The following ABCA7 variants were observed in gnomAD, a reference collection of about 807,000 sequenced individuals.
ABCA7 encodes ATP binding cassette subfamily A member 7.
In ABCA7, 261 loss-of-function variants were observed where a neutral mutation model predicts 227.6. That is an observed-to-expected ratio of 1.15 (90% confidence interval 1.04 to 1.27). The LOEUF (loss-of-function observed/expected upper bound fraction) is 1.27, where lower values mean the gene tolerates loss of function less well. Among genes scored for constraint, ABCA7 ranks in the 50% most tolerant of loss-of-function variants. The pLI is 0.00. For missense variants in ABCA7, 3,331 were observed against 2,924.5 expected, an observed-to-expected ratio of 1.14 and a Z score of -3.21; for synonymous variants, 1,488 against 1,279.7, an observed-to-expected ratio of 1.16 and a Z score of -3.47.
In ABCA7 at chr19:1,063,822, C is replaced by T. The variant is rs1045331155; in HGVS notation, c.5910C>T (p.Ala1970=). ...GCTTCCTTTGGAACAGCCTTTTGGC[C>T]GTGGTGCGGGAGGGCCGTTCAGTGA... The part of the protein sequence containing the change: ...ARRFLWNSLL[A]VVREGRSVML... The change falls in exon 44 of 47, where the codon GCC becomes GCT. Residue 1970 remains alanine (A), a synonymous_variant. Coordinates refer to ENST00000263094, the MANE Select transcript of ABCA7 (RefSeq NM_019112.4). 3 of 1,544,240 alleles carry T rather than the reference C, an allele frequency of 1.9e-6. No homozygotes were observed. The highest frequency in any genetic ancestry group is 1.7e-6 in the Non-Finnish European group (2 of 1,145,182).
At position 1,058,860 on chromosome 19, in the gene ABCA7, G is replaced by T; in HGVS notation, c.5320G>T (p.Glu1774Ter). ...TCTGCCACTCCTGGGAGAGGAGGAC[G>T]AGGATGTAGCCCGTGAACGGGAGCG... The part of the protein sequence containing the change: ...RSLPLLGEED[E>*]DVARERERVV... Residue 1774 changes from glutamate to a stop codon, truncating the protein, a stop_gained, in exon 39 of 47, where the codon GAG becomes TAG. Coordinates refer to ENST00000263094, the MANE Select transcript of ABCA7 (RefSeq NM_019112.4). LOFTEE classifies it high-confidence loss of function. 6.3e-7 allele frequency: 1 copy of T among 1,577,908 alleles called. No homozygotes were observed. Among genetic ancestry groups the T allele is most frequent in the Non-Finnish European group, 8.6e-7 (1 of 1,158,842 alleles).
rs1229081176 is a variant in ABCA7, at chr19:1,047,044, C to T, written c.1845+20C>T. On this transcript the variant is annotated intron_variant, in intron 14 of 46. Coordinates refer to ENST00000263094, the MANE Select transcript of ABCA7 (RefSeq NM_019112.4). ...CTCAAGGTGGGCGCGCCTCGGCCTG[C>T]CCGGCTGCAGAATGGGTGCGCTGGA... 41 of 1,552,638 alleles carry T rather than the reference C, an allele frequency of 2.6e-5. No individual in the cohort carries two copies. The highest frequency in any genetic ancestry group is 3.4e-5 in the Non-Finnish European group (39 of 1,151,296).
Position 1,058,611 on chromosome 19 carries a change from T to G in ABCA7, c.5150-7T>G. ...ATGGACCCAGTCCCTCCTTTCTATA[T>G]CCACAGGAGACAGGCAGTTCCAGTC... On this transcript the variant is annotated splice_polypyrimidine_tract_variant and splice_region_variant and intron_variant, in intron 37 of 46. Transcript: ENST00000263094. 1 of 1,613,404 alleles carries G rather than the reference T, an allele frequency of 6.2e-7. No homozygotes were observed. The highest frequency in any genetic ancestry group is 1.1e-5 in the South Asian group (1 of 91,042).
At chr19:1,059,646 C>G (rs1420146069) in intron 40 of ABCA7, among the ~76,000 whole-genome samples, 3 of 149,162 alleles carry the variant, frequency 2.0e-5, no homozygotes, top group Non-Finnish European at 4.5e-5. Flanking sequence ...TCACTACAAG[C>G]TCCACCTCCC....
In ABCA7 at chr19:1,046,835, C is replaced by G. The variant is rs2040731411; in HGVS notation, c.1656C>G (p.Leu552=). 2.6e-6 allele frequency: 4 copies of G among 1,540,670 alleles called. No homozygotes were observed. The highest frequency in any genetic ancestry group is 3.5e-6 in the Non-Finnish European group (4 of 1,147,796). Residue 552 remains leucine (L), a synonymous_variant, in exon 14 of 47, where the codon CTC becomes CTG. Transcript: ENST00000263094. ...FLRVLSRSLP[L]FLTLAWIYSV... is the part of the protein sequence containing the mutation. ...GTGTGCTGAGCCGGTCGCTGCCGCT[C>G]TTCCTGACGCTGGCCTGGATCTACT...
chr19:1,046,444 G>A lies in ABCA7; in HGVS notation c.1622+38G>A, dbSNP rs375918035. ...ACCCCTCCCCGCTCTTCCCCGCGGC[G>A]GGAAGGTCCCGGGTGTGGGGGTGGG... On this transcript the variant is annotated intron_variant, in intron 13 of 46. Coordinates refer to ENST00000263094, the MANE Select transcript of ABCA7 (RefSeq NM_019112.4). The A allele has an allele frequency of 4.1e-5, 62 of 1,516,070 alleles. No homozygotes were observed. The African/African-American group carries it at 8.0e-4, about 20-fold the overall frequency. The allele number at this position is 1,516,070 out of a possible 1,614,324, so 93.9% of individuals were successfully genotyped here.
chr19:1,065,245 TC>T, intron 46 of ABCA7, 24 bp from the exon 47 acceptor site: 6 of 1,611,758 alleles, frequency 3.7e-6, no homozygotes, highest in Non-Finnish European at 5.1e-6. Context: ...GTCCCTCTTG[TC>T]CCCTCTGGGC....
rs2042816949 is a variant in ABCA7 at position 1,063,424 on chromosome 19, T to C, written c.5713-120T>C. On this transcript the variant is annotated intron_variant, in intron 42 of 46. Coordinates refer to ENST00000263094, the MANE Select transcript of ABCA7 (RefSeq NM_019112.4). ...CCACACTATGTCCCATTCTCACATT[T>C]GCCCTGCCCCATGCCCATTATGCCC... is the stretch of plus-strand genomic sequence containing the variant. 5 of 1,382,844 alleles carry C rather than the reference T, an allele frequency of 3.6e-6. No homozygotes were observed. The Admixed American group carries it at 1.1e-4, about 30-fold the overall frequency. 85.7% of individuals were successfully genotyped at this position (1,382,844 alleles called of 1,614,324 possible).
rs538969597 is a variant in ABCA7, at chr19:1,062,459, C to T, written c.5712+146C>T. 2.8e-5 allele frequency: 36 copies of T among 1,295,544 alleles called. No homozygotes were observed. In the African/African-American group the frequency reaches 5.2e-4, roughly 19 times the overall value. The allele number at this position is 1,295,544 out of a possible 1,614,324, so 80.3% of individuals were successfully genotyped here. ...CAGACCGTGCTTCCTTCCCCTATACCTCTGTCCCCCATCCTGGTCCAATAG... is the reference window on the plus strand; with the variant it reads ...CAGACCGTGCTTCCTTCCCCTATACTTCTGTCCCCCATCCTGGTCCAATAG... On this transcript the variant is annotated intron_variant, in intron 42 of 46. Coordinates refer to ENST00000263094, the MANE Select transcript of ABCA7 (RefSeq NM_019112.4).
chr19:1,055,881 T>C, intron 30 of ABCA7, 26 bp from the exon 31 acceptor site: 1 of 1,566,144 alleles, frequency 6.4e-7, no homozygotes, highest in Non-Finnish European at 8.7e-7. Flanking sequence ...CCTGTCTGCC[T>C]GTGTCTCTGT....
chr19:1,050,530 G>T (rs1199271181), intron 18 of ABCA7, among the ~76,000 whole-genome samples: 1 of 152,050 alleles, frequency 6.6e-6, no homozygotes, highest in Non-Finnish European at 1.5e-5. Flanking sequence ...CCAGCACTTT[G>T]GGGGGCCGAG....
At position 1,043,471 on chromosome 19, in the gene ABCA7, C is replaced by G; in HGVS notation, c.928C>G (p.Gln310Glu). The G allele has an allele frequency of 6.2e-7, 1 of 1,613,186 alleles. No homozygotes were observed. The highest frequency in any genetic ancestry group is 8.5e-7 in the Non-Finnish European group (1 of 1,180,010). ...ACCTTTTACCCGGAAGCTCATGGCC[C>G]AGGTGGGGGCAGCCTGGATGCTGGG... is the stretch of plus-strand genomic sequence containing the variant. ...DTPFTRKLMA[Q>E]VNRTFEELTL... The change falls in exon 9 of 47, where the codon CAG (glutamine) becomes GAG (glutamate). Residue 310 changes from glutamine (Q) to glutamate (E), a missense_variant and splice_region_variant. Gln to Glu is a conservative substitution (Grantham distance 29, BLOSUM62 2). Transcript: ENST00000263094.
chr19:1,051,411 G>C, intron 20 of ABCA7, 38 bp from the exon 21 acceptor site: 1 of 719,646 alleles, frequency 1.4e-6, no homozygotes, highest in South Asian at 2.0e-5. Flanking sequence ...CCCAAGGCTG[G>C]GTGTGACACA....
At position 1,054,351 on chromosome 19, in the gene ABCA7, G is replaced by T. The variant is rs770201251; in HGVS notation, c.3726+10G>T. The T allele has an allele frequency of 1.3e-6, 2 of 1,587,370 alleles. No homozygotes were observed. The highest frequency in any genetic ancestry group is 3.4e-5 in the Admixed American group (2 of 58,716). The stretch of plus-strand genomic sequence containing the variant: ...CGGCCTGTTCGCCCAGGTGAGGAGG[G>T]CTAGCACCAGGGAGTCGCATGGGAG... On this transcript the variant is annotated intron_variant, in intron 27 of 46. Transcript: ENST00000263094. The surrounding 1 kb of genome is among the most constrained non-coding windows in gnomAD (Gnocchi z 4.8).
At chr19:1,063,997 A>G in intron 44 of ABCA7, 134 bp downstream of exon 44, 1 of 1,345,706 alleles carries the variant, frequency 7.4e-7, no homozygotes. Flanking sequence ...CCGGGGTGTA[A>G]GGACACACAG....
chr19:1,061,122 C>T (rs968334765), intron 40 of ABCA7, among the ~76,000 whole-genome samples: 8 of 151,910 alleles, frequency 5.3e-5, no homozygotes, highest in South Asian at 2.1e-4. Flanking sequence ...TGAGGCCAGG[C>T]GTGGTGGCTC....
rs369182918 is a variant in ABCA7, at chr19:1,060,630, C to T, written c.5464-1152C>T. Among the ~76,000 whole-genome samples the T allele has an allele frequency of 2.5e-3, 377 of 152,032 alleles. 3 individuals are homozygous for T. The highest frequency in any genetic ancestry group is 8.4e-3 in the African/African-American group (347 of 41,412). ...TGCCTCCCAGGTTCAGGCGATTCTC[C>T]TGCCTCAGCCTCCTGAGTAGCTGGG... On this transcript the variant is annotated intron_variant, in intron 40 of 46. Transcript: ENST00000263094.
rs773797425 is a variant in ABCA7, at chr19:1,061,807, G to C, written c.5489G>C (p.Gly1830Ala). 3 of 1,612,854 alleles carry C rather than the reference G, an allele frequency of 1.9e-6. No homozygotes were observed. In the South Asian group the frequency reaches 3.3e-5, roughly 18 times the overall value. ...GECFGLLGVNGAGKTSTFRMV... is the reference protein window; with the variant it reads ...GECFGLLGVNAAGKTSTFRMV... The stretch of plus-strand genomic sequence containing the variant: ...TGTTTTGGGCTGCTGGGTGTGAATG[G>C]AGCAGGGAAGACGTCCACGTTTCGC... The change falls in exon 41 of 47, where the codon GGA becomes GCA. Residue 1830 changes from glycine (G) to alanine (A), a missense_variant. By Grantham distance (60) the Gly-to-Ala change is moderately conservative (BLOSUM62 0). Transcript: ENST00000263094.
chr19:1,047,806 T>G, intron 16 of ABCA7, 152 bp downstream of exon 16: 2 of 828,286 alleles, frequency 2.4e-6, no homozygotes, highest in Non-Finnish European at 3.5e-6. Context: ...TGCAGGTGGC[T>G]GCATTGGAGG....
Sources: allele counts gnomAD v4.1 joint callset (sites outside exome capture counted in the v4.1 genomes callset), GRCh38; gene constraint gnomAD v4.1.1; non-coding constraint Gnocchi (gnomAD v3.1); transcripts MANE v1.5; gene names NCBI Gene and HGNC (gene_info 2026-07-23, HGNC 2026-07-21).